OPN3: variants seen among roughly 807,000 people sequenced by gnomAD.
OPN3 encodes opsin-3.
In OPN3, 29 loss-of-function variants were observed where a neutral mutation model predicts 33.8. That is an observed-to-expected ratio of 0.86 (90% confidence interval 0.64 to 1.17). OPN3 has a LOEUF of 1.17. OPN3 is among the 50% of genes most tolerant of loss of function. OPN3 has a pLI of 0.00. For synonymous variants in OPN3, 216 were observed against 216.1 expected (o/e 1.00, Z 0.00); for missense variants, 437 against 514.1 (o/e 0.85, Z 1.45).
chr1:241,627,168 T>G (rs1445158629), intron 1 of OPN3, among the ~76,000 whole-genome samples: 2 of 152,188 alleles, frequency 1.3e-5, no homozygotes, highest in African/African-American at 4.8e-5. Flanking sequence ...AAGAGATCGT[T>G]TTTCTGATTT....
At chr1:241,613,553 T>G (rs1664050227) in intron 1 of OPN3, among the ~76,000 whole-genome samples, 1 of 152,178 alleles carries the variant, frequency 6.6e-6, no homozygotes, top group Non-Finnish European at 1.5e-5. Context: ...ATGTCTAACT[T>G]TGATATCAGA....
chr1:241,614,403 A>C (rs1192019978), intron 1 of OPN3, among the ~76,000 whole-genome samples: 1 of 152,104 alleles, frequency 6.6e-6, no homozygotes, highest in East Asian at 1.9e-4. Context: ...CATTGTGCTC[A>C]CTCATGCTAT....
At chr1:241,635,668 C>A (rs2148029711) in intron 1 of OPN3, 14 of 1,614,024 alleles carry the variant, frequency 8.7e-6, no homozygotes, top group Non-Finnish European at 1.2e-5. Flanking sequence ...TATGCAGAAC[C>A]CTCTGACCAC....
rs1034269764 is a variant in OPN3 at position 241,635,097 on chromosome 1, T to C, written c.373+4785A>G. ...TCAATATTAAACCTCCTGCCTTCTT[T>C]AACTATTTGAGAGTAAGTAATCCTA... On this transcript the variant is annotated intron_variant, in intron 1 of 3. Coordinates refer to ENST00000366554, the MANE Select transcript of OPN3 (RefSeq NM_014322.3). The C allele has an allele frequency of 6.8e-6, 11 of 1,612,744 alleles. No homozygotes were observed. The African/African-American group carries it at 1.5e-4, about 22-fold the overall frequency.
intron 1 of OPN3, among the ~76,000 whole-genome samples, chr1:241,610,196 C>A (rs924882565): frequency 1.3e-5 from 2 of 152,198 alleles, no homozygotes; most frequent in African/African-American, 4.8e-5. Context: ...GCAAACTGCC[C>A]GGCATGTTCA....
rs1170815838 is a variant in OPN3, at chr1:241,598,045, G to C, written c.694-48C>G. ...AAAGGGCTTAAAAAACAAAAGAAGG[G>C]TTTCTTTTGTTGTTTTTATAACAGA... On this transcript the variant is annotated intron_variant, in intron 2 of 3. Transcript: ENST00000366554. 5.7e-6 allele frequency: 9 copies of C among 1,578,082 alleles called. No homozygotes were observed. The South Asian group carries it at 8.1e-5, about 14-fold the overall frequency.
chr1:241,634,238 A>C (rs372387524), intron 1 of OPN3: 3 of 1,613,982 alleles, frequency 1.9e-6, no homozygotes, highest in Non-Finnish European at 2.5e-6. Flanking sequence ...TGAACATGTC[A>C]AATGTACCAG....
intron 1 of OPN3, among the ~76,000 whole-genome samples, chr1:241,607,995 G>GA (rs975392712): frequency 3.3e-5 from 5 of 151,070 alleles, no homozygotes; most frequent in South Asian, 2.1e-4. Flanking sequence ...TAGATTCCTA[G>GA]AAAAAAAAAT....
intron 1 of OPN3, chr1:241,635,091 C>G (rs1312907990): frequency 6.2e-7 from 1 of 1,612,780 alleles, no homozygotes; most frequent in South Asian, 1.1e-5. Context: ...AACCTCCTGC[C>G]TTCTTTAACT....
At chr1:241,629,403 T>A (rs1463577702) in intron 1 of OPN3, 1 of 152,116 alleles carries the variant, frequency 6.6e-6, no homozygotes, top group Admixed American at 6.5e-5. Context: ...TAAGTCAAAG[T>A]TGCATTTTTA....
At chr1:241,633,533 A>C (rs1558446984) in intron 1 of OPN3, 1 of 449,060 alleles carries the variant, frequency 2.2e-6, no homozygotes, top group African/African-American at 2.0e-5. Context: ...ATATATACCC[A>C]ATACTAAAAT....
At chr1:241,594,756 C>A (rs1477510119) in intron 3 of OPN3, 65 bp from the exon 4 acceptor site, 4 of 1,549,976 alleles carry the variant, frequency 2.6e-6, no homozygotes, top group Non-Finnish European at 2.6e-6. Context: ...GATTAACATT[C>A]GAGGAAATCA....
In OPN3 at chr1:241,594,468, T is replaced by A. The variant is rs750284319; in HGVS notation, c.1169A>T (p.Asn390Ile). Residue 390 changes from asparagine (N) to isoleucine (I), a missense_variant, in exon 4 of 4, where the codon AAT (asparagine) becomes ATT (isoleucine). Coordinates refer to ENST00000366554, the MANE Select transcript of OPN3 (RefSeq NM_014322.3). ...SLSVDDSDKTNGSKVDVIQVR... is the reference protein window; with the variant it reads ...SLSVDDSDKTIGSKVDVIQVR... ...TTGGATTACATCAACTTTGGACCCATTGGTTTTGTCGCTGTCGTCAACTGA... is the reference window on the plus strand; with the variant it reads ...TTGGATTACATCAACTTTGGACCCAATGGTTTTGTCGCTGTCGTCAACTGA... 3.7e-6 allele frequency: 6 copies of A among 1,613,962 alleles called. No homozygotes were observed. The highest frequency in any genetic ancestry group is 5.1e-6 in the Non-Finnish European group (6 of 1,179,964).
At chr1:241,609,417 A>G (rs902006439) in intron 1 of OPN3, among the ~76,000 whole-genome samples, 3 of 152,230 alleles carry the variant, frequency 2.0e-5, no homozygotes, top group African/African-American at 7.2e-5. Flanking sequence ...CCGCCACTAA[A>G]GGGTGACTTC....
At chr1:241,631,073 T>C (rs891713012) in intron 1 of OPN3, 2 of 152,148 alleles carry the variant, frequency 1.3e-5, no homozygotes, top group African/African-American at 4.8e-5. Context: ...TTTAAACATT[T>C]GAAAAAGTTC....
intron 1 of OPN3, among the ~76,000 whole-genome samples, chr1:241,606,824 G>A (rs1663844337): frequency 1.3e-5 from 2 of 152,210 alleles, no homozygotes; most frequent in African/African-American, 4.8e-5. Context: ...AGAAAAGGGT[G>A]TGGGTGGCAA....
At chr1:241,601,745 A>G (rs1358532447) in intron 2 of OPN3, among the ~76,000 whole-genome samples, 6 of 152,020 alleles carry the variant, frequency 3.9e-5, no homozygotes, top group Non-Finnish European at 7.4e-5. Context: ...ACAAACAGAA[A>G]CAAAACGAAA....
chr1:241,608,708 A>G (rs1382948867), intron 1 of OPN3, among the ~76,000 whole-genome samples: 1 of 152,214 alleles, frequency 6.6e-6, no homozygotes, highest in East Asian at 1.9e-4. Flanking sequence ...AACATTTACT[A>G]ATATCGTTTT....
At chr1:241,597,689 C>T in intron 3 of OPN3, 57 bp downstream of exon 3, 5 of 1,558,932 alleles carry the variant, frequency 3.2e-6, no homozygotes, top group South Asian at 1.2e-5. Context: ...AAGTATTACA[C>T]TGTCATTTCC....
Sources: gnomAD v4.1 joint callset for allele counts (sites outside exome capture counted in the v4.1 genomes callset) on GRCh38, gnomAD v4.1.1 for gene constraint, MANE v1.5 for transcripts, NCBI Gene and HGNC (gene_info 2026-07-23, HGNC 2026-07-21) for gene names.